PLCG2: variants seen among roughly 807,000 people sequenced by gnomAD.
The protein encoded by PLCG2 is phospholipase C gamma 2.
In PLCG2, 69 loss-of-function variants were observed where a neutral mutation model predicts 175.6. The ratio of observed to expected loss-of-function variants is 0.39; its 90% confidence interval spans 0.32 to 0.48. PLCG2 has a LOEUF of 0.48. Among genes scored for constraint, PLCG2 ranks in the 20% least tolerant of loss-of-function variants. The pLI is 0.91. For synonymous variants in PLCG2, 827 were observed against 624.0 expected (o/e 1.33, Z -4.85); for missense variants, 1,798 against 1,650.9 (o/e 1.09, Z -1.54).
intron 2 of PLCG2, among the ~76,000 whole-genome samples, chr16:81,758,903 C>G (rs960534409): frequency 5.3e-5 from 8 of 152,196 alleles, no homozygotes; most frequent in Non-Finnish European, 1.0e-4. Flanking sequence ...GTCTCGAACT[C>G]CTGACCTCAG....
At chr16:81,941,996 A>C (rs574554131) in intron 30 of PLCG2, among the ~76,000 whole-genome samples, 1 of 152,356 alleles carries the variant, frequency 6.6e-6, no homozygotes, top group South Asian at 2.1e-4. Flanking sequence ...GATTAGTCTA[A>C]TAAGGCTTAG....
chr16:81,850,242 G>A (rs4888179), intron 2 of PLCG2, among the ~76,000 whole-genome samples: 12,348 of 152,180 alleles, frequency 0.081, 532 homozygotes, highest in African/African-American at 0.09. Flanking sequence ...TTAGGTGTAA[G>A]GTTTTATGGT....
intron 22 of PLCG2, 57 bp downstream of exon 22, chr16:81,923,651 G>C: frequency 2.8e-6 from 3 of 1,071,150 alleles, no homozygotes; most frequent in South Asian, 1.3e-5. Flanking sequence ...GTCCCTTCTT[G>C]GTGATAAGAC....
At chr16:81,810,348 C>G (rs1448500264) in intron 2 of PLCG2, among the ~76,000 whole-genome samples, 3 of 152,220 alleles carry the variant, frequency 2.0e-5, no homozygotes, top group African/African-American at 7.2e-5. Flanking sequence ...CATGAGCAGC[C>G]TCATAAGAGA....
At chr16:81,869,137 G>A in intron 5 of PLCG2, 77 bp from the exon 6 acceptor site, 1 of 1,044,178 alleles carries the variant, frequency 9.6e-7, no homozygotes. Context: ...GCCTGAGGTG[G>A]GAACTGATGG....
Position 81,958,509 on chromosome 16 carries a change from C to G in PLCG2, c.*511C>G, listed in dbSNP as rs970245433. ...AAGCCCTACCCACAGGCAGCCTGCT[C>G]AGTTCAATGTACTTTAACTACCACC... is the stretch of plus-strand genomic sequence containing the variant. On this transcript the variant is annotated 3_prime_UTR_variant, in exon 33 of 33. Coordinates refer to ENST00000564138, the MANE Select transcript of PLCG2 (RefSeq NM_002661.5). 1.3e-5 allele frequency: 3 copies of G among 234,770 alleles called. No individual in the cohort carries two copies. The East Asian group carries it at 1.8e-4, about 14-fold the overall frequency. The allele number at this position is 234,770 out of a possible 1,614,324, so 14.5% of individuals were successfully genotyped here.
At chr16:81,785,498 T>A (rs1910928374) in intron 1 of PLCG2, among the ~76,000 whole-genome samples, 1 of 5,674 alleles carries the variant, frequency 1.8e-4, no homozygotes, top group African/African-American at 5.6e-4. Context: ...TTTATTTCAT[T>A]TTTTTTTTTT....
intron 2 of PLCG2, among the ~76,000 whole-genome samples, chr16:81,843,192 C>G (rs1296274705): frequency 1.3e-5 from 2 of 152,156 alleles, no homozygotes; most frequent in African/African-American, 4.8e-5. Context: ...AGTGTTGTTT[C>G]AGTCACTATG....
chr16:81,958,078 C>A lies in PLCG2; in HGVS notation c.*80C>A. 1 of 978,416 alleles carries A rather than the reference C, an allele frequency of 1.0e-6. No homozygotes were observed. The highest frequency in any genetic ancestry group is 1.3e-5 in the South Asian group (1 of 76,154). The allele number at this position is 978,416 out of a possible 1,614,324, so 60.6% of individuals were successfully genotyped here. On this transcript the variant is annotated 3_prime_UTR_variant, in exon 33 of 33. Coordinates refer to ENST00000564138, the MANE Select transcript of PLCG2 (RefSeq NM_002661.5). Reference sequence around the variant, plus strand: ...TAGGAGAACGTGCCCTATTCACACTCTGGGAAGACGCTAATCTGTGACATC... The same window carrying A: ...TAGGAGAACGTGCCCTATTCACACTATGGGAAGACGCTAATCTGTGACATC...
chr16:81,928,781 G>A, intron 24 of PLCG2, 157 bp downstream of exon 24: 1 of 629,274 alleles, frequency 1.6e-6, no homozygotes, highest in Admixed American at 2.5e-5. Flanking sequence ...AGGCTGGTCA[G>A]TGAGTATGAT....
At chr16:81,869,668 G>C (rs966735273) in intron 6 of PLCG2, among the ~76,000 whole-genome samples, 2 of 152,164 alleles carry the variant, frequency 1.3e-5, no homozygotes, top group African/African-American at 2.4e-5. Context: ...CCTTGTGTAG[G>C]GTACCAGGAC....
chr16:81,761,204 A>G (rs78827734), intron 2 of PLCG2, among the ~76,000 whole-genome samples: 1 of 152,072 alleles, frequency 6.6e-6, no homozygotes. Flanking sequence ...AGCTACAAAA[A>G]TGTTTTTAAA....
At chr16:81,884,314 G>A (rs931542928) in intron 9 of PLCG2, among the ~76,000 whole-genome samples, 1 of 151,946 alleles carries the variant, frequency 6.6e-6, no homozygotes, top group African/African-American at 2.4e-5. Context: ...TTGCGCCACT[G>A]GACTGCAGCC....
chr16:81,739,530 C>T (rs1280641686), intron 1 of PLCG2: 1 of 152,264 alleles, frequency 6.6e-6, no homozygotes, highest in East Asian at 1.9e-4. Context: ...GAGGATGGGT[C>T]ACCTGAGGTC....
intron 7 of PLCG2, among the ~76,000 whole-genome samples, chr16:81,874,986 CAG>C (rs1197408331): frequency 2.4e-5 from 1 of 41,780 alleles, no homozygotes. Context: ...TTATTTGAGA[CAG>C]AGTCTTTCTC....
Position 81,912,588 on chromosome 16 carries a change from G to A in PLCG2, c.1935-9G>A, listed in dbSNP as rs764647447. ...TCACCTGGTCGTTTTCCCTGGCCCT[G>A]TGCCGCAGGTGGTACTATGACAGCC... On this transcript the variant is annotated splice_polypyrimidine_tract_variant and intron_variant, in intron 18 of 32. Coordinates refer to ENST00000564138, the MANE Select transcript of PLCG2 (RefSeq NM_002661.5). The A allele has an allele frequency of 3.1e-6, 5 of 1,612,656 alleles. No individual in the cohort carries two copies. The highest frequency in any genetic ancestry group is 2.2e-5 in the South Asian group (2 of 90,550).
chr16:81,912,605 A>G lies in PLCG2; in HGVS notation c.1943A>G (p.Tyr648Cys), dbSNP rs766742207. Residue 648 changes from tyrosine (Y) to cysteine (C), a missense_variant, in exon 19 of 33, where the codon TAT becomes TGT. Transcript: ENST00000564138. ...CTGGCCCTGTGCCGCAGGTGGTACTATGACAGCCTGAGCCGCGGAGAGGCA... is the reference window on the plus strand; with the variant it reads ...CTGGCCCTGTGCCGCAGGTGGTACTGTGACAGCCTGAGCCGCGGAGAGGCA... ...PNPHESKPWY[Y>C]DSLSRGEAED... 11 of 1,613,078 alleles carry G rather than the reference A, an allele frequency of 6.8e-6. No homozygotes were observed. Among genetic ancestry groups the G allele is most frequent in the Admixed American group, 5.0e-5 (3 of 59,936 alleles).
chr16:81,802,419 G>C (rs1911773112), intron 2 of PLCG2, among the ~76,000 whole-genome samples: 2 of 150,046 alleles, frequency 1.3e-5, no homozygotes, highest in Admixed American at 6.7e-5. Flanking sequence ...GCCTCAGGTG[G>C]GTACAGTCTT....
chr16:81,902,551 G>A (rs191204163), intron 14 of PLCG2, among the ~76,000 whole-genome samples: 1 of 151,974 alleles, frequency 6.6e-6, no homozygotes, highest in African/African-American at 2.4e-5. Flanking sequence ...TTTTATAAGG[G>A]CACCATTCCC....
Sources: allele counts gnomAD v4.1 joint callset (sites outside exome capture counted in the v4.1 genomes callset), GRCh38; gene constraint gnomAD v4.1.1; transcripts MANE v1.5; gene names NCBI Gene and HGNC (gene_info 2026-07-23, HGNC 2026-07-21).